The following TPD52 variants were observed in gnomAD, a reference collection of about 807,000 sequenced individuals.
The protein encoded by TPD52 is prostate and colon associated protein.
A neutral mutation model predicts 31.3 loss-of-function variants in TPD52; 17 were observed. That is an observed-to-expected ratio of 0.54 (90% CI 0.37 to 0.82). The LOEUF (loss-of-function observed/expected upper bound fraction) is 0.82, where lower values mean the gene tolerates loss of function less well. TPD52 is among the 40% of genes least tolerant of loss of function. The pLI is 0.00. For synonymous variants in TPD52, 83 were observed against 89.6 expected, an observed-to-expected ratio of 0.93 and a Z score of 0.42; for missense variants, 212 against 240.1, an observed-to-expected ratio of 0.88 and a Z score of 0.77.
intron 1 of TPD52, among the ~76,000 whole-genome samples, chr8:80,154,737 A>ACG: frequency 7.1e-6 from 1 of 141,108 alleles, no homozygotes. Flanking sequence ...ACACACACAC[A>ACG]CACACACACA....
chr8:80,142,641 G>A (rs1809915661), intron 1 of TPD52, among the ~76,000 whole-genome samples: 1 of 152,138 alleles, frequency 6.6e-6, no homozygotes, highest in Non-Finnish European at 1.5e-5. Context: ...GGTGGAGGTT[G>A]AAGTGAGTGG....
At chr8:80,101,020 T>A (rs1185136336) in intron 1 of TPD52, among the ~76,000 whole-genome samples, 1 of 152,200 alleles carries the variant, frequency 6.6e-6, no homozygotes, top group East Asian at 1.9e-4. Flanking sequence ...GAGCTCAGAG[T>A]GTTGCCATAC....
At chr8:80,092,925 T>C (rs1816398341) in intron 1 of TPD52, among the ~76,000 whole-genome samples, 1 of 152,136 alleles carries the variant, frequency 6.6e-6, no homozygotes, top group East Asian at 1.9e-4. Flanking sequence ...ATAAAGAATA[T>C]ATTTATTACC....
chr8:80,042,682 A>G lies in TPD52; in HGVS notation c.456-14T>C. 1 of 1,604,084 alleles carries G rather than the reference A, an allele frequency of 6.2e-7. No homozygotes were observed. ...GTTGGGGAGTTTCTATGGAGAGAAA[A>G]GAAAAACAAATAGTAAATACAAATA... On this transcript the variant is annotated splice_polypyrimidine_tract_variant and intron_variant, in intron 6 of 7. Coordinates refer to ENST00000518937, the MANE Select transcript of TPD52 (RefSeq NM_001025253.3).
Position 80,037,918 on chromosome 8 carries a change from T to C in TPD52, c.*198A>G. The C allele has an allele frequency of 1.7e-6, 1 of 577,376 alleles. No homozygotes were observed. The highest frequency in any genetic ancestry group is 2.9e-6 in the Non-Finnish European group (1 of 349,242). 35.8% of individuals were successfully genotyped at this position (577,376 alleles called of 1,614,324 possible). A position where few individuals can be genotyped will look rare whatever the true frequency, so the allele number is the denominator to read the frequency against. On this transcript the variant is annotated 3_prime_UTR_variant, in exon 8 of 8. Coordinates refer to ENST00000518937, the MANE Select transcript of TPD52 (RefSeq NM_001025253.3). ...TTTCCTAAATAAAGGAACATAAATG[T>C]ACACTAAAGGGTGTTTCCCAAGAAT... is the stretch of plus-strand genomic sequence containing the variant.
chr8:80,065,832 A>T (rs1374777637), intron 1 of TPD52, among the ~76,000 whole-genome samples: 1 of 151,940 alleles, frequency 6.6e-6, no homozygotes, highest in Non-Finnish European at 1.5e-5. Context: ...ATATTATTTG[A>T]CGACTAAGCT....
chr8:80,049,205 G>C (rs995100921), intron 5 of TPD52, among the ~76,000 whole-genome samples: 3 of 151,478 alleles, frequency 2.0e-5, no homozygotes, highest in Admixed American at 1.3e-4. Context: ...CTTATCCCAA[G>C]TCCCCACTCT....
chr8:80,040,736 T>G (rs930241728), intron 7 of TPD52, among the ~76,000 whole-genome samples: 2 of 152,218 alleles, frequency 1.3e-5, no homozygotes, highest in Non-Finnish European at 2.9e-5. Flanking sequence ...CTAACAATAT[T>G]GAGAACTGAA....
intron 1 of TPD52, among the ~76,000 whole-genome samples, chr8:80,134,742 T>A (rs717341): frequency 0.43 from 65,636 of 151,972 alleles, 14,777 homozygotes; most frequent in East Asian, 0.78. Context: ...TGAAAGTGGA[T>A]CCGTTAGTCC....
chr8:80,167,349 T>C (rs1424610530), intron 1 of TPD52, among the ~76,000 whole-genome samples: 2 of 152,204 alleles, frequency 1.3e-5, no homozygotes, highest in Non-Finnish European at 1.5e-5. Context: ...GGGTGTTCTT[T>C]TTGGTTTTGC....
intron 1 of TPD52, 55 bp downstream of exon 1, chr8:80,171,364 AAGCCCG>A (rs1440653290): frequency 1.7e-6 from 1 of 584,506 alleles, no homozygotes; most frequent in African/African-American, 2.5e-4. Context: ...CGCCGAGCCA[AAGCCCG>A]AGTCCAAGCC....
rs1294352783 is a variant in TPD52, at chr8:80,161,729, TA to T, written c.19+9695del. Among the ~76,000 whole-genome samples, 359 of 41,616 alleles carry T rather than the reference TA, an allele frequency of 8.6e-3. 3 individuals are homozygous for T. Among genetic ancestry groups the T allele is most frequent in the African/African-American group, 0.035 (342 of 9,864 alleles). The allele number at this position is 41,616 out of a possible 152,430, so 27.3% of individuals were successfully genotyped here. A position where few individuals can be genotyped will look rare whatever the true frequency, so the allele number is the denominator to read the frequency against. On this transcript the variant is annotated intron_variant, in intron 1 of 7. Transcript: ENST00000518937. ...GAACACATTTATATATATATATATA[TA>T]TATTTTTTTTTTTTTCTGAGACAGA...
chr8:80,149,040 T>A (rs527518071), intron 1 of TPD52, among the ~76,000 whole-genome samples: 21 of 152,120 alleles, frequency 1.4e-4, no homozygotes, highest in Non-Finnish European at 1.2e-4. Context: ...TACAGCCTCA[T>A]ATAAAAGAAA....
intron 1 of TPD52, among the ~76,000 whole-genome samples, chr8:80,125,949 G>A (rs572834104): frequency 2.0e-5 from 3 of 152,304 alleles, no homozygotes; most frequent in African/African-American, 7.2e-5. Context: ...GAGGACGTGA[G>A]CACTCTCAAC....
chr8:80,064,965 C>T (rs1456697793), intron 1 of TPD52: 1 of 395,372 alleles, frequency 2.5e-6, no homozygotes, highest in Admixed American at 3.3e-5. Context: ...TAGCTCCTTC[C>T]CAGTAACCCA....
At chr8:80,104,823 G>T (rs1806990988) in intron 1 of TPD52, among the ~76,000 whole-genome samples, 1 of 151,998 alleles carries the variant, frequency 6.6e-6, no homozygotes, top group African/African-American at 2.4e-5. Context: ...ATTTTGGAAG[G>T]CCAAGGGAGG....
chr8:80,162,405 T>C (rs112780925), intron 1 of TPD52, among the ~76,000 whole-genome samples: 7 of 152,050 alleles, frequency 4.6e-5, no homozygotes, highest in African/African-American at 1.4e-4. Flanking sequence ...AGTAGATAAG[T>C]AACAATCTCT....
At chr8:80,095,761 T>C (rs1332103720) in intron 1 of TPD52, among the ~76,000 whole-genome samples, 2 of 151,984 alleles carry the variant, frequency 1.3e-5, no homozygotes, top group Non-Finnish European at 2.9e-5. Context: ...CTGGCCAACA[T>C]GGTGAAACTC....
chr8:80,082,683 C>T (rs568318367), intron 1 of TPD52, among the ~76,000 whole-genome samples: 1 of 152,332 alleles, frequency 6.6e-6, no homozygotes, highest in Admixed American at 6.5e-5. Context: ...CTCTGGCCCC[C>T]TCTTCTCCCA....
Sources: gnomAD v4.1 joint callset for allele counts (sites outside exome capture counted in the v4.1 genomes callset) on GRCh38, gnomAD v4.1.1 for gene constraint, MANE v1.5 for transcripts, NCBI Gene and HGNC (gene_info 2026-07-23, HGNC 2026-07-21) for gene names.